Variants in DECR1 observed in about 807,000 individuals in gnomAD.
DECR1 encodes the protein 2,4-dienoyl-CoA reductase [(3E)-enoyl-CoA-producing], mitochondrial.
Under a neutral mutation model 38.8 loss-of-function variants are expected in DECR1, and 44 were observed. That is an observed-to-expected ratio of 1.13 (90% confidence interval 0.89 to 1.46). DECR1 has a LOEUF of 1.46. Among genes scored for constraint, DECR1 ranks in the 40% most tolerant of loss-of-function variants. DECR1 has a pLI of 0.00. For synonymous variants in DECR1, 148 were observed against 135.2 expected (o/e 1.09, Z -0.66); for missense variants, 428 against 405.5 (o/e 1.06, Z -0.48).
chr8:90,051,552 A>T, intron 8 of DECR1, 125 bp from the exon 9 acceptor site: 1 of 671,058 alleles, frequency 1.5e-6, no homozygotes, highest in Non-Finnish European at 2.6e-6. Context: ...TTTTATCTTT[A>T]AAATTTGGGC....
At chr8:90,036,573 C>T (rs2130126132) in intron 5 of DECR1, among the ~76,000 whole-genome samples, 1 of 152,194 alleles carries the variant, frequency 6.6e-6, no homozygotes, top group African/African-American at 2.4e-5. Flanking sequence ...AGGGGCATGC[C>T]TCTGAGATTT....
chr8:90,005,933 T>C (rs1336203163), intron 1 of DECR1: 6 of 433,222 alleles, frequency 1.4e-5, no homozygotes, highest in African/African-American at 8.0e-5. Context: ...TGTTGGGAGG[T>C]GCCGGCAAGA....
In DECR1 at chr8:90,044,919, G is replaced by A. The variant is rs755964577; in HGVS notation, c.809G>A (p.Arg270His). ...ATGATTGGCAGAATTCCCTGTGGTC[G>A]CCTGGGGACTGTAGAAGAACTCGCA... The part of the protein sequence containing the change: ...KEMIGRIPCG[R>H]LGTVEELANL... Residue 270 changes from arginine to histidine, a missense_variant, in exon 8 of 10, where the codon CGC (arginine) becomes CAC (histidine). Coordinates refer to ENST00000220764, the MANE Select transcript of DECR1 (RefSeq NM_001359.2). The A allele has an allele frequency of 2.0e-5, 33 of 1,613,248 alleles. No homozygotes were observed. Among genetic ancestry groups the A allele is most frequent in the Middle Eastern group, 1.6e-4 (1 of 6,084 alleles).
intron 5 of DECR1, among the ~76,000 whole-genome samples, chr8:90,023,710 T>G (rs1481563275): frequency 6.6e-6 from 1 of 152,018 alleles, no homozygotes; most frequent in Admixed American, 6.6e-5. Context: ...ATATCTAGTT[T>G]GCTGATAGCT....
intron 5 of DECR1, among the ~76,000 whole-genome samples, chr8:90,036,290 A>C (rs1813615163): frequency 6.6e-6 from 1 of 151,912 alleles, no homozygotes; most frequent in East Asian, 1.9e-4. Context: ...CCTTCCATCT[A>C]TATAGTATCT....
At position 90,051,783 on chromosome 8, in the gene DECR1, C is replaced by T. The variant is rs757664185; in HGVS notation, c.948+44C>T. The stretch of plus-strand genomic sequence containing the variant: ...TAATGTAATATCAGCAGCTAGGATA[C>T]TAAGCTTTAAAAACATGTAAAAAGG... On this transcript the variant is annotated intron_variant, in intron 9 of 9. Coordinates refer to ENST00000220764, the MANE Select transcript of DECR1 (RefSeq NM_001359.2). The T allele has an allele frequency of 5.6e-6, 9 of 1,612,344 alleles. No individual in the cohort carries two copies. In the Admixed American group the frequency reaches 1.0e-4, roughly 18 times the overall value.
intron 5 of DECR1, among the ~76,000 whole-genome samples, chr8:90,022,242 C>T (rs372516261): frequency 5.9e-5 from 9 of 152,254 alleles, no homozygotes; most frequent in African/African-American, 2.2e-4. Flanking sequence ...GTTCAGAAAC[C>T]TTTGCCTTAT....
intron 1 of DECR1, among the ~76,000 whole-genome samples, chr8:90,011,385 GTCTT>G (rs1812879950): frequency 6.6e-6 from 1 of 152,112 alleles, no homozygotes; most frequent in Non-Finnish European, 1.5e-5. Context: ...TTGTTTTGTA[GTCTT>G]TCTATTACAA....
intron 5 of DECR1, among the ~76,000 whole-genome samples, chr8:90,023,043 G>A (rs978749600): frequency 6.6e-6 from 1 of 152,164 alleles, no homozygotes; most frequent in African/African-American, 2.4e-5. Flanking sequence ...CTCAGCTGAG[G>A]GGAGTACGCG....
At chr8:90,026,414 A>T (rs1179068235) in intron 5 of DECR1, among the ~76,000 whole-genome samples, 1 of 151,916 alleles carries the variant, frequency 6.6e-6, no homozygotes, top group Non-Finnish European at 1.5e-5. Context: ...TGTTATTGGT[A>T]TATTCAGGGA....
chr8:90,026,544 G>C (rs1813345044), intron 5 of DECR1, among the ~76,000 whole-genome samples: 1 of 152,148 alleles, frequency 6.6e-6, no homozygotes, highest in Admixed American at 6.5e-5. Flanking sequence ...ATGAGAGTTT[G>C]TATTTCTGTG....
At chr8:90,017,069 C>T in intron 1 of DECR1, 55 bp from the exon 2 acceptor site, 1 of 1,282,496 alleles carries the variant, frequency 7.8e-7, no homozygotes, top group East Asian at 2.3e-5. Flanking sequence ...TTAAAAAATT[C>T]ATCTGTTTTT....
At chr8:90,051,316 A>G (rs1814085602) in intron 8 of DECR1, among the ~76,000 whole-genome samples, 1 of 152,084 alleles carries the variant, frequency 6.6e-6, no homozygotes, top group South Asian at 2.1e-4. Flanking sequence ...AGAGGGAGAG[A>G]GAGAAAAAAG....
At chr8:90,035,189 T>C (rs1813591040) in intron 5 of DECR1, among the ~76,000 whole-genome samples, 3 of 152,168 alleles carry the variant, frequency 2.0e-5, no homozygotes, top group Admixed American at 1.3e-4. Flanking sequence ...TGATAATGTA[T>C]TGATTTTTTT....
intron 8 of DECR1, among the ~76,000 whole-genome samples, chr8:90,049,171 T>G (rs1422785881): frequency 6.6e-6 from 1 of 152,224 alleles, no homozygotes; most frequent in East Asian, 1.9e-4. Context: ...TTGGAAGTTC[T>G]GGTCAGGGCA....
intron 5 of DECR1, among the ~76,000 whole-genome samples, chr8:90,036,243 G>T (rs1313404377): frequency 6.6e-6 from 1 of 152,052 alleles, no homozygotes; most frequent in African/African-American, 2.4e-5. Flanking sequence ...TTAACTCAGT[G>T]TGAATGCCAT....
Position 90,052,379 on chromosome 8 carries a change from G to C in DECR1, c.*482G>C, listed in dbSNP as rs1023662060. On this transcript the variant is annotated 3_prime_UTR_variant, in exon 10 of 10. Transcript: ENST00000220764. ...TGAATTATCTTCTTTGGGTAACTCAGTATTAACTCAAACCTTTAATTTTTA... is the reference window on the plus strand; with the variant it reads ...TGAATTATCTTCTTTGGGTAACTCACTATTAACTCAAACCTTTAATTTTTA... 6.6e-6 allele frequency among the ~76,000 whole-genome samples: 1 copy of C among 152,118 alleles called. No individual in the cohort carries two copies. The highest frequency in any genetic ancestry group is 1.5e-5 in the Non-Finnish European group (1 of 68,014).
At chr8:90,001,931 C>T (rs1468168309) in intron 1 of DECR1, among the ~76,000 whole-genome samples, 1 of 151,242 alleles carries the variant, frequency 6.6e-6, no homozygotes, top group Non-Finnish European at 1.5e-5. Context: ...ACCCGGCGTC[C>T]CTGGGGCTCA....
Position 90,020,945 on chromosome 8 carries a change from C to T in DECR1, c.454C>T (p.Pro152Ser). 6.3e-7 allele frequency: 1 copy of T among 1,584,196 alleles called. No homozygotes were observed. The highest frequency in any genetic ancestry group is 2.3e-5 in the East Asian group (1 of 43,034). The change falls in exon 5 of 10, where the codon CCT becomes TCT. Residue 152 changes from proline to serine, a missense_variant. Transcript: ENST00000220764. The stretch of plus-strand genomic sequence containing the variant: ...CAATGCAGCAGGGAATTTTATTTCT[C>T]CTACTGAAAGACTTTCTCCTAATGC... Reference protein sequence around the residue: ...INNAAGNFISPTERLSPNAWK... With the variant: ...INNAAGNFISSTERLSPNAWK...
Sources: allele counts gnomAD v4.1 joint callset (sites outside exome capture counted in the v4.1 genomes callset), GRCh38; gene constraint gnomAD v4.1.1; transcripts MANE v1.5; gene names NCBI Gene and HGNC (gene_info 2026-07-23, HGNC 2026-07-21).